Variants in PCMT1 observed in about 807,000 individuals in gnomAD.
The protein encoded by PCMT1 is protein-L-isoaspartate(D-aspartate) O-methyltransferase.
PCMT1 carries 9 observed loss-of-function variants against 29.2 expected under a neutral mutation model. The observed-to-expected ratio is 0.31, with a 90% CI of 0.19 to 0.54. The LOEUF is 0.54. Ranked by LOEUF, PCMT1 falls within the 20% of genes least tolerant of loss-of-function variation. The probability of loss-of-function intolerance (pLI) is 0.95; values close to 1 mark genes in which losing one functional copy is unlikely to be tolerated. For missense variants in PCMT1, 184 were observed against 282.2 expected (o/e 0.65, Z 2.49); for synonymous variants, 98 against 97.5 (o/e 1.00, Z -0.03).
At chr6:149,788,960 TTATA>T (rs1401921888) in intron 3 of PCMT1, among the ~76,000 whole-genome samples, 111 of 152,266 alleles carry the variant, frequency 7.3e-4, no homozygotes, top group African/African-American at 2.7e-3. Context: ...TATTTTTCAT[TTATA>T]TATGTATAGA....
chr6:149,751,819 G>T (rs962387488), intron 1 of PCMT1, among the ~76,000 whole-genome samples: 11 of 151,374 alleles, frequency 7.3e-5, no homozygotes, highest in Non-Finnish European at 1.5e-4. Context: ...TTTTTTTGGT[G>T]GGGGGACAAT....
chr6:149,769,332 T>TTTTTTTTTTTTTTA (rs1787218354), intron 1 of PCMT1, among the ~76,000 whole-genome samples: 1 of 139,634 alleles, frequency 7.2e-6, no homozygotes, highest in Admixed American at 7.4e-5. Context: ...TTTTTTTTTT[T>TTTTTTTTTTTTTTA]GAGACTGAGT....
intron 1 of PCMT1, among the ~76,000 whole-genome samples, chr6:149,766,315 A>T (rs906795883): frequency 2.0e-5 from 3 of 152,174 alleles, no homozygotes; most frequent in African/African-American, 7.2e-5. Flanking sequence ...GTTCCTGCAT[A>T]TTCAAAATGG....
intron 3 of PCMT1, among the ~76,000 whole-genome samples, chr6:149,784,766 A>G (rs899788207): frequency 6.6e-6 from 1 of 152,036 alleles, no homozygotes; most frequent in African/African-American, 2.4e-5. Context: ...TCCTAGTGTA[A>G]CTCTCTCTTT....
At chr6:149,763,892 A>G (rs1231595458) in intron 1 of PCMT1, among the ~76,000 whole-genome samples, 1 of 152,206 alleles carries the variant, frequency 6.6e-6, no homozygotes, top group African/African-American at 2.4e-5. Context: ...TCAGAGAATA[A>G]CACTAAGAGT....
chr6:149,764,783 T>A (rs1787001481), intron 1 of PCMT1, among the ~76,000 whole-genome samples: 1 of 151,568 alleles, frequency 6.6e-6, no homozygotes, highest in South Asian at 2.1e-4. Flanking sequence ...GCTGAACGCC[T>A]TTAATCCCAG....
At chr6:149,779,072 G>T (rs1248982397) in intron 3 of PCMT1, among the ~76,000 whole-genome samples, 1 of 152,200 alleles carries the variant, frequency 6.6e-6, no homozygotes, top group Admixed American at 6.5e-5. Context: ...CGGGGCCCGG[G>T]TTGAGAGAGA....
intron 3 of PCMT1, among the ~76,000 whole-genome samples, chr6:149,784,346 T>A (rs920893301): frequency 6.6e-6 from 1 of 152,160 alleles, no homozygotes; most frequent in Non-Finnish European, 1.5e-5. Context: ...AAAACACAAC[T>A]TCTTATTATG....
chr6:149,792,886 T>A (rs1333132970), intron 4 of PCMT1, among the ~76,000 whole-genome samples: 1 of 151,706 alleles, frequency 6.6e-6, no homozygotes. Context: ...GGAGGCAGGG[T>A]GTGTGGTGGC....
At chr6:149,772,119 C>T (rs576489884) in intron 2 of PCMT1, 22 of 456,640 alleles carry the variant, frequency 4.8e-5, no homozygotes, top group Non-Finnish European at 8.4e-5. Context: ...TTCTGTCAGT[C>T]GGCTGCCATG....
intron 5 of PCMT1, chr6:149,795,616 C>T: frequency 2.0e-6 from 1 of 499,776 alleles, no homozygotes; most frequent in Non-Finnish European, 3.7e-6. Context: ...GGAATTGGTT[C>T]CACTGTGTTT....
At chr6:149,762,813 GATA>G (rs1480390825) in intron 1 of PCMT1, among the ~76,000 whole-genome samples, 1 of 48,668 alleles carries the variant, frequency 2.1e-5, no homozygotes, top group Non-Finnish European at 2.8e-5. Flanking sequence ...ATATATCTAT[GATA>G]ATCTATGATA....
intron 7 of PCMT1, 190 bp downstream of exon 7, chr6:149,802,606 GC>G: frequency 2.7e-6 from 2 of 742,960 alleles, no homozygotes; most frequent in Non-Finnish European, 3.6e-6. Flanking sequence ...TGGCACAAAG[GC>G]TTTTTTTGTT....
At chr6:149,808,184 T>TGTG (rs1776064278) in intron 7 of PCMT1, among the ~76,000 whole-genome samples, 2 of 151,976 alleles carry the variant, frequency 1.3e-5, no homozygotes, top group Admixed American at 6.6e-5. Context: ...AATAAATAAT[T>TGTG]AAATTATGTA....
chr6:149,756,469 C>T (rs1269695376), intron 1 of PCMT1, among the ~76,000 whole-genome samples: 1 of 149,076 alleles, frequency 6.7e-6, no homozygotes, highest in Non-Finnish European at 1.5e-5. Context: ...CCATCTCAGC[C>T]TCCCGAGTAA....
intron 3 of PCMT1, among the ~76,000 whole-genome samples, chr6:149,778,953 C>T (rs142748946): frequency 2.0e-4 from 31 of 152,230 alleles, no homozygotes; most frequent in African/African-American, 7.2e-4. Flanking sequence ...GTTTGAACTA[C>T]TACTGAAGGG....
At chr6:149,786,814 G>T (rs1250200061) in intron 3 of PCMT1, among the ~76,000 whole-genome samples, 1 of 149,602 alleles carries the variant, frequency 6.7e-6, no homozygotes, top group Non-Finnish European at 1.5e-5. Context: ...GGAAAGAGGC[G>T]CTCCTCACTT....
At position 149,768,041 on chromosome 6, in the gene PCMT1, A is replaced by T. The variant is rs569687745; in HGVS notation, c.56-3121A>T. Among the ~76,000 whole-genome samples the T allele has an allele frequency of 3.3e-5, 5 of 151,428 alleles. No homozygotes were observed. In the East Asian group the frequency reaches 9.8e-4, roughly 30 times the overall value. On this transcript the variant is annotated intron_variant, in intron 1 of 7. Transcript: ENST00000464889. Reference sequence around the variant, plus strand: ...ACTCCTGACCTCAGGTGATCCACCCACCTCGGCCTCCCAAAGTGCTGGGAT... The same window carrying T: ...ACTCCTGACCTCAGGTGATCCACCCTCCTCGGCCTCCCAAAGTGCTGGGAT...
intron 1 of PCMT1, among the ~76,000 whole-genome samples, chr6:149,767,251 A>T (rs1225734261): frequency 8.3e-6 from 1 of 120,626 alleles, no homozygotes; most frequent in African/African-American, 4.1e-5. Context: ...TATATCAGTA[A>T]TTCACTCTTT....
Sources: gnomAD v4.1 joint callset for allele counts (sites outside exome capture counted in the v4.1 genomes callset) on GRCh38, gnomAD v4.1.1 for gene constraint, MANE v1.5 for transcripts, NCBI Gene and HGNC (gene_info 2026-07-23, HGNC 2026-07-21) for gene names.